SGCD: variants seen among roughly 807,000 people sequenced by gnomAD.
The protein encoded by SGCD is delta-sarcoglycan.
Under a neutral mutation model 36.6 loss-of-function variants are expected in SGCD, and 18 were observed. The observed-to-expected ratio is 0.49, with a 90% CI of 0.34 to 0.73. SGCD has a LOEUF of 0.73. SGCD is among the 30% of genes least tolerant of loss of function. The pLI, the probability that SGCD is intolerant of heterozygous loss-of-function variation, is 0.01. For synonymous variants in SGCD, 133 were observed against 130.6 expected (o/e 1.02, Z -0.12); for missense variants, 387 against 346.7 (o/e 1.12, Z -0.92).
chr5:155,968,385 A>G (rs1316546294), intron 1 of SGCD, among the ~76,000 whole-genome samples: 1 of 152,064 alleles, frequency 6.6e-6, no homozygotes, highest in Non-Finnish European at 1.5e-5. Flanking sequence ...AAATACAGTC[A>G]TCTCCCGTTA....
chr5:156,380,139 G>T (rs1001350316), intron 3 of SGCD, among the ~76,000 whole-genome samples: 1 of 152,016 alleles, frequency 6.6e-6, no homozygotes, highest in Non-Finnish European at 1.5e-5. Context: ...TCTGTTCTTG[G>T]TTGAAATGAT....
At chr5:156,219,921 A>G (rs1390165338) in intron 3 of SGCD, among the ~76,000 whole-genome samples, 1 of 152,194 alleles carries the variant, frequency 6.6e-6, no homozygotes, top group Non-Finnish European at 1.5e-5. Flanking sequence ...TTGTATTAGT[A>G]TTAACAGTGC....
intron 6 of SGCD, among the ~76,000 whole-genome samples, chr5:156,595,806 T>C (rs559882065): frequency 6.6e-6 from 1 of 152,334 alleles, no homozygotes; most frequent in African/African-American, 2.4e-5. Flanking sequence ...TTTACTGAAT[T>C]AGAAGCTATG....
chr5:155,766,096 G>A, the SGCD span, among the ~76,000 whole-genome samples: 1 of 152,118 alleles, frequency 6.6e-6, no homozygotes, highest in Non-Finnish European at 1.5e-5. Flanking sequence ...AGATGTGAAA[G>A]GTAGAAACCA....
chr5:155,958,867 G>A lies in SGCD; in HGVS notation c.-282+88443G>A, dbSNP rs530213350. 8.5e-5 allele frequency among the ~76,000 whole-genome samples: 13 copies of A among 152,128 alleles called. No homozygotes were observed. The South Asian group carries it at 1.7e-3, about 19-fold the overall frequency. On this transcript the variant is annotated intron_variant, in intron 1 of 9. Coordinates refer to the SGCD transcript ENST00000517913. Reference sequence around the variant, plus strand: ...CATAGTAAGTGTGACTAGCTATTTCGCTAAATAATTGCTGTGTTGAAGGCA... The same window carrying A: ...CATAGTAAGTGTGACTAGCTATTTCACTAAATAATTGCTGTGTTGAAGGCA...
At chr5:156,417,875 C>T (rs921147328) in intron 3 of SGCD, among the ~76,000 whole-genome samples, 1 of 152,170 alleles carries the variant, frequency 6.6e-6, no homozygotes, top group African/African-American at 2.4e-5. Context: ...GATCATAATA[C>T]ATTGTCTGGC....
chr5:156,071,127 T>G (rs1032549515), intron 1 of SGCD, among the ~76,000 whole-genome samples: 1 of 152,182 alleles, frequency 6.6e-6, no homozygotes, highest in African/African-American at 2.4e-5. Context: ...TGTCTCTATT[T>G]CCTTCAGTTC....
intron 3 of SGCD, among the ~76,000 whole-genome samples, chr5:156,263,917 T>C (rs533048722): frequency 6.6e-6 from 1 of 152,236 alleles, no homozygotes; most frequent in East Asian, 1.9e-4. Context: ...TTTGGGTTTA[T>C]TTCTGGGTTC....
At chr5:156,025,439 T>A (rs561012258) in intron 1 of SGCD, among the ~76,000 whole-genome samples, 1 of 152,278 alleles carries the variant, frequency 6.6e-6, no homozygotes, top group Non-Finnish European at 1.5e-5. Flanking sequence ...TCAGTCAAAT[T>A]GTAGTATATT....
chr5:155,814,967 A>G, the SGCD span, among the ~76,000 whole-genome samples: 14,455 of 152,262 alleles, frequency 0.095, 848 homozygotes, highest in South Asian at 0.2. Context: ...CAGTTTATAT[A>G]TAATCCTTTC....
At chr5:156,120,759 GAAGA>G (rs989682950) in intron 2 of SGCD, among the ~76,000 whole-genome samples, 46 of 152,232 alleles carry the variant, frequency 3.0e-4, no homozygotes, top group African/African-American at 1.1e-3. Flanking sequence ...GTTAAGAAAA[GAAGA>G]AAGAAAGATG....
chr5:156,343,143 G>T (rs188398583), intron 2 of SGCD, among the ~76,000 whole-genome samples: 84 of 152,226 alleles, frequency 5.5e-4, no homozygotes, highest in African/African-American at 1.8e-3. Context: ...GAACCATCTG[G>T]AAGATATCCT....
chr5:156,348,726 G>GT (rs1426148762), intron 3 of SGCD, among the ~76,000 whole-genome samples: 2 of 151,872 alleles, frequency 1.3e-5, no homozygotes, highest in Non-Finnish European at 2.9e-5. Context: ...TATCAATGTC[G>GT]TTTTTCACAG....
At chr5:156,469,840 G>A (rs1319636239) in intron 3 of SGCD, among the ~76,000 whole-genome samples, 1 of 152,168 alleles carries the variant, frequency 6.6e-6, no homozygotes, top group African/African-American at 2.4e-5. Flanking sequence ...ACTCAGCTAT[G>A]AGAAGAAATG....
chr5:155,742,104 T>A, the SGCD span, among the ~76,000 whole-genome samples: 1 of 152,180 alleles, frequency 6.6e-6, no homozygotes, highest in East Asian at 1.9e-4. Flanking sequence ...ATGATAACAT[T>A]TTCCCTCCCA....
chr5:156,278,515 C>T (rs189376004), intron 3 of SGCD, among the ~76,000 whole-genome samples: 389 of 152,012 alleles, frequency 2.6e-3, no homozygotes, highest in Non-Finnish European at 4.2e-3. Context: ...TTGTTTTTCC[C>T]CAGAAAAAAT....
chr5:155,739,314 G>A, the SGCD span, among the ~76,000 whole-genome samples: 1 of 152,192 alleles, frequency 6.6e-6, no homozygotes, highest in Non-Finnish European at 1.5e-5. Flanking sequence ...AGCAGGAAAA[G>A]CAAGTACAAA....
At chr5:156,548,737 A>G (rs954114143) in intron 4 of SGCD, among the ~76,000 whole-genome samples, 4 of 152,160 alleles carry the variant, frequency 2.6e-5, no homozygotes, top group African/African-American at 9.7e-5. Flanking sequence ...ACTGGAGCAC[A>G]CTAATGCACA....
the SGCD span, among the ~76,000 whole-genome samples, chr5:155,734,669 T>C: frequency 6.6e-6 from 1 of 152,224 alleles, no homozygotes; most frequent in Non-Finnish European, 1.5e-5. Flanking sequence ...AACCCATTGC[T>C]GAGAATGTTG....
Sources: gnomAD v4.1 joint callset for allele counts (sites outside exome capture counted in the v4.1 genomes callset) on GRCh38, gnomAD v4.1.1 for gene constraint, MANE v1.5 for transcripts, NCBI Gene and HGNC (gene_info 2026-07-23, HGNC 2026-07-21) for gene names.